KCNQ1OT1: variants seen among roughly 807,000 people sequenced by gnomAD.
KCNQ1OT1 encodes KCNQ1 antisense RNA 2 (non-protein coding).
chr11:2,626,816 T>C lies in KCNQ1OT1; in HGVS notation n.73179A>G, dbSNP rs1849269604. Reference sequence around the variant, plus strand: ...GTGCTGAGATTACAGGTGTAGGCCATTGTACCTGGCCTGTAGTAAGTTTTC... The same window carrying C: ...GTGCTGAGATTACAGGTGTAGGCCACTGTACCTGGCCTGTAGTAAGTTTTC... On this transcript the variant is annotated non_coding_transcript_exon_variant, in exon 1 of 1. Transcript: ENST00000597346. The surrounding 1 kb of genome is among the most constrained non-coding windows in gnomAD (Gnocchi z 4.0). 2.5e-6 allele frequency: 1 copy of C among 398,490 alleles called. No homozygotes were observed. The highest frequency in any genetic ancestry group is 4.4e-5 in the Admixed American group (1 of 22,714). The allele number at this position is 398,490 out of a possible 1,614,324, so 24.7% of individuals were successfully genotyped here.
In KCNQ1OT1 at chr11:2,658,625, G is replaced by C. The variant is rs772219878; in HGVS notation, n.41370C>G. ...ATAGAAAACCTGGATCTAGGCACGG[G>C]GTATGCTCGTGGCTACTAGGGTATC... is the stretch of plus-strand genomic sequence containing the variant. On this transcript the variant is annotated non_coding_transcript_exon_variant, in exon 1 of 1. Coordinates refer to ENST00000597346, the Ensembl canonical transcript of KCNQ1OT1. This position sits in a 1 kb window ranked among gnomAD's most constrained non-coding sequence, Gnocchi z 4.9. The C allele has an allele frequency of 2.0e-5, 8 of 398,182 alleles. No homozygotes were observed. The highest frequency in any genetic ancestry group is 3.5e-5 in the Non-Finnish European group (8 of 226,016). The allele number at this position is 398,182 out of a possible 1,614,324, so 24.7% of individuals were successfully genotyped here.
exon 1 of KCNQ1OT1, chr11:2,643,806 AC>A (rs1351000332): frequency 6.3e-5 from 25 of 398,404 alleles, no homozygotes; most frequent in African/African-American, 5.1e-4. Flanking sequence ...CTGAGCTTTT[AC>A]TTTTAAGGGA....
At chr11:2,622,474 T>A (rs1290941772) in exon 1 of KCNQ1OT1, 1 of 398,316 alleles carries the variant, frequency 2.5e-6, no homozygotes, top group Non-Finnish European at 4.4e-6. Context: ...ACAGCATAGG[T>A]TGATGGTTTT....
exon 1 of KCNQ1OT1, chr11:2,641,623 A>G: frequency 2.5e-6 from 1 of 398,460 alleles, no homozygotes; most frequent in Non-Finnish European, 4.4e-6. Context: ...CTTGTTGTGT[A>G]CAAGCTTTAT....
Position 2,642,795 on chromosome 11 carries a change from T to C in KCNQ1OT1, n.57200A>G. The C allele has an allele frequency of 2.5e-6, 1 of 397,862 alleles. No homozygotes were observed. Among genetic ancestry groups the C allele is most frequent in the Non-Finnish European group, 4.4e-6 (1 of 225,656 alleles). 24.6% of individuals were successfully genotyped at this position (397,862 alleles called of 1,614,324 possible). A position where few individuals can be genotyped will look rare whatever the true frequency, so the allele number is the denominator to read the frequency against. Reference sequence around the variant, plus strand: ...TTTTCTACCTTTTTTAATGGAGGCATTTATTACAATAAACTTTCCTCTTAG... The same window carrying C: ...TTTTCTACCTTTTTTAATGGAGGCACTTATTACAATAAACTTTCCTCTTAG... On this transcript the variant is annotated non_coding_transcript_exon_variant, in exon 1 of 1. Coordinates refer to ENST00000597346, the Ensembl canonical transcript of KCNQ1OT1. This position sits in a 1 kb window ranked among gnomAD's most constrained non-coding sequence, Gnocchi z 4.3.
Position 2,664,573 on chromosome 11 carries a change from C to A in KCNQ1OT1, n.35422G>T. ...GTGGGGGCCGTGCAGGTCTTCTGCC[C>A]GCATTGGGGCTGCATTCCTCCACCT... On this transcript the variant is annotated non_coding_transcript_exon_variant, in exon 1 of 1. Transcript: ENST00000597346. This position sits in a 1 kb window ranked among gnomAD's most constrained non-coding sequence, Gnocchi z 5.1. The A allele has an allele frequency of 2.5e-6, 1 of 398,632 alleles. No homozygotes were observed. The highest frequency in any genetic ancestry group is 4.4e-6 in the Non-Finnish European group (1 of 226,104). 24.7% of individuals were successfully genotyped at this position (398,632 alleles called of 1,614,324 possible). A position where few individuals can be genotyped will look rare whatever the true frequency, so the allele number is the denominator to read the frequency against.
Position 2,627,351 on chromosome 11 carries a change from A to T in KCNQ1OT1, n.72644T>A. The T allele has an allele frequency of 2.5e-6, 1 of 398,370 alleles. No homozygotes were observed. 24.7% of individuals were successfully genotyped at this position (398,370 alleles called of 1,614,324 possible). On this transcript the variant is annotated non_coding_transcript_exon_variant, in exon 1 of 1. Coordinates refer to ENST00000597346, the Ensembl canonical transcript of KCNQ1OT1. The surrounding 1 kb of genome is among the most constrained non-coding windows in gnomAD (Gnocchi z 4.9). ...TACCTAAGCTATACTCTCTTAGCAA[A>T]TTCCAAGTATAGAATATATTAACTA...
chr11:2,655,468 G>A (rs1000004086), exon 1 of KCNQ1OT1: 3 of 398,658 alleles, frequency 7.5e-6, no homozygotes, highest in Non-Finnish European at 8.8e-6. Flanking sequence ...GCATTGCTCC[G>A]GTACCTCCTG....
chr11:2,641,058 T>G, exon 1 of KCNQ1OT1: 1 of 398,544 alleles, frequency 2.5e-6, no homozygotes, highest in Non-Finnish European at 4.4e-6. Context: ...CTTTTTCCAT[T>G]TATCCACTGA....
chr11:2,675,999 T>C (rs1850287058), exon 1 of KCNQ1OT1: 1 of 398,648 alleles, frequency 2.5e-6, no homozygotes, highest in Non-Finnish European at 4.4e-6. Context: ...CCAACCCTAA[T>C]TCCCAAGTTT....
At chr11:2,675,980 T>G in exon 1 of KCNQ1OT1, 1 of 398,576 alleles carries the variant, frequency 2.5e-6, no homozygotes, top group Non-Finnish European at 4.4e-6. Flanking sequence ...AAAATAACAC[T>G]CTCCCCACCC....
chr11:2,648,917 T>A (rs1407275230), exon 1 of KCNQ1OT1: 1 of 398,238 alleles, frequency 2.5e-6, no homozygotes, highest in Non-Finnish European at 4.4e-6. Flanking sequence ...AATTGTTATA[T>A]CTTCTTGCTG....
At chr11:2,667,824 G>C in exon 1 of KCNQ1OT1, 1 of 398,638 alleles carries the variant, frequency 2.5e-6, no homozygotes, top group Non-Finnish European at 4.4e-6. Flanking sequence ...TAGGGTGGTG[G>C]TGTTAAACTT....
At chr11:2,634,028 G>A in exon 1 of KCNQ1OT1, 1 of 398,522 alleles carries the variant, frequency 2.5e-6, no homozygotes. Flanking sequence ...AGTGCCTCCA[G>A]CTTCATTCTG....
At chr11:2,666,578 G>A in exon 1 of KCNQ1OT1, 1 of 398,684 alleles carries the variant, frequency 2.5e-6, no homozygotes, top group East Asian at 3.6e-5. Context: ...GCAAGGACAG[G>A]GCCAGTCTGT....
exon 1 of KCNQ1OT1, chr11:2,684,769 C>A: frequency 2.5e-6 from 1 of 398,658 alleles, no homozygotes; most frequent in Middle Eastern, 6.3e-4. Context: ...GGAGGACTGC[C>A]TCCCAGCCTT....
exon 1 of KCNQ1OT1, chr11:2,662,202 C>A: frequency 1.4e-6 from 2 of 1,380,094 alleles, no homozygotes; most frequent in Non-Finnish European, 2.0e-6. Flanking sequence ...CTAGTGCCCA[C>A]CACTTGCCGT....
exon 1 of KCNQ1OT1, chr11:2,694,427 G>A: frequency 5.0e-6 from 2 of 398,658 alleles, no homozygotes; most frequent in Non-Finnish European, 8.8e-6. Context: ...CAGGCAGGGT[G>A]CTAAACATCT....
Position 2,690,957 on chromosome 11 carries a change from C to T in KCNQ1OT1, n.9038G>A, listed in dbSNP as rs1234174035. 1.0e-5 allele frequency: 4 copies of T among 398,620 alleles called. No homozygotes were observed. Among genetic ancestry groups the T allele is most frequent in the Non-Finnish European group, 1.3e-5 (3 of 226,072 alleles). The allele number at this position is 398,620 out of a possible 1,614,324, so 24.7% of individuals were successfully genotyped here. A position where few individuals can be genotyped will look rare whatever the true frequency, so the allele number is the denominator to read the frequency against. ...ACCTGAAAGGTTCATTTGGGAGTCA[C>T]GGGTATGTGTCAACAAAAGCCCACC... is the stretch of plus-strand genomic sequence containing the variant. On this transcript the variant is annotated non_coding_transcript_exon_variant, in exon 1 of 1. Transcript: ENST00000597346. This position sits in a 1 kb window ranked among gnomAD's most constrained non-coding sequence, Gnocchi z 5.1.
Sources: allele counts gnomAD v4.1 joint callset, GRCh38; gene constraint gnomAD v4.1.1; non-coding constraint Gnocchi (gnomAD v3.1); transcripts MANE v1.5; gene names NCBI Gene and HGNC (gene_info 2026-07-23, HGNC 2026-07-21).